ARL15: variants seen among roughly 807,000 people sequenced by gnomAD.
ARL15 encodes the protein ARF like GTPase 15, also known as ADP-ribosylation factor-like protein 15.
A neutral mutation model predicts 25.2 loss-of-function variants in ARL15; 19 were observed. That is an observed-to-expected ratio of 0.75 (90% CI 0.53 to 1.10). The LOEUF is 1.10. ARL15 is among the 50% of genes least tolerant of loss of function. The probability of loss-of-function intolerance (pLI) is 0.00; values close to 1 mark genes in which losing one functional copy is unlikely to be tolerated. For missense variants in ARL15, 220 were observed against 246.0 expected (o/e 0.89, Z 0.71); for synonymous variants, 94 against 86.8 (o/e 1.08, Z -0.46).
At chr5:54,292,609 A>C (rs1389431759) in intron 1 of ARL15, among the ~76,000 whole-genome samples, 1 of 152,190 alleles carries the variant, frequency 6.6e-6, no homozygotes, top group Non-Finnish European at 1.5e-5. Context: ...GATAGTGAAT[A>C]ATGTCTAGTA....
At position 53,945,322 on chromosome 5, in the gene ARL15, G is replaced by A. The variant is rs74579963; in HGVS notation, c.463-58609C>T. Among the ~76,000 whole-genome samples, 30 of 152,288 alleles carry A rather than the reference G, an allele frequency of 2.0e-4. No individual in the cohort carries two copies. The East Asian group carries it at 5.6e-3, about 28-fold the overall frequency. ...GTCGTTTACTGGGTATGTTTACTGA[G>A]TAGTTTAGACGTACATTGACATCAG... On this transcript the variant is annotated intron_variant, in intron 4 of 4. Coordinates refer to ENST00000504924, the MANE Select transcript of ARL15 (RefSeq NM_019087.3).
intron 1 of ARL15, among the ~76,000 whole-genome samples, chr5:54,289,566 C>T (rs1758272210): frequency 6.6e-6 from 1 of 152,196 alleles, no homozygotes. Context: ...ACACTCAATT[C>T]AATAATCCAC....
intron 4 of ARL15, among the ~76,000 whole-genome samples, chr5:54,062,355 C>T (rs1023723048): frequency 3.9e-5 from 6 of 151,976 alleles, no homozygotes; most frequent in African/African-American, 7.2e-5. Flanking sequence ...GAGGGGCCAG[C>T]GGCAGAACGA....
chr5:54,171,501 T>C (rs62370445), intron 2 of ARL15, among the ~76,000 whole-genome samples: 2,751 of 152,302 alleles, frequency 0.018, 38 homozygotes, highest in Non-Finnish European at 0.025. Flanking sequence ...CATTTTGTCA[T>C]ATATCAGAGT....
rs999169066 is a variant in ARL15 at position 54,204,118 on chromosome 5, T to C, written c.49-32190A>G. On this transcript the variant is annotated intron_variant, in intron 1 of 4. Coordinates refer to ENST00000504924, the MANE Select transcript of ARL15 (RefSeq NM_019087.3). The stretch of plus-strand genomic sequence containing the variant: ...TGGTAAAGGACATAGTGTTAAGTTA[T>C]ATACAATTTTCTTTTCGAGAGAGGA... Among the ~76,000 whole-genome samples the C allele has an allele frequency of 2.3e-4, 35 of 152,308 alleles. 1 individual carries two copies. In the South Asian group the frequency reaches 2.5e-3, roughly 11 times the overall value.
At chr5:53,982,756 G>A (rs777659232) in intron 4 of ARL15, among the ~76,000 whole-genome samples, 24 of 152,106 alleles carry the variant, frequency 1.6e-4, no homozygotes, top group African/African-American at 2.9e-4. Flanking sequence ...TTGAGGAATC[G>A]CCACACTGTC....
At chr5:54,098,988 G>A (rs892483600) in intron 4 of ARL15, among the ~76,000 whole-genome samples, 23 of 152,060 alleles carry the variant, frequency 1.5e-4, no homozygotes, top group Admixed American at 1.2e-3. Flanking sequence ...AAAATAATCC[G>A]AGTAACCTCT....
chr5:54,125,586 G>A (rs1040497009), intron 3 of ARL15, among the ~76,000 whole-genome samples: 2 of 152,182 alleles, frequency 1.3e-5, no homozygotes, highest in East Asian at 1.9e-4. Flanking sequence ...CAGCATGTGC[G>A]TTGCTTCCAT....
intron 4 of ARL15, among the ~76,000 whole-genome samples, chr5:54,013,534 A>G (rs255756): frequency 0.19 from 28,320 of 152,116 alleles, 2,988 homozygotes; most frequent in East Asian, 0.45. Flanking sequence ...GATTAGAATT[A>G]TGGGAAGGGC....
intron 4 of ARL15, among the ~76,000 whole-genome samples, chr5:53,915,374 GA>G (rs1288967225): frequency 1.3e-5 from 2 of 152,154 alleles, no homozygotes; most frequent in Non-Finnish European, 2.9e-5. Context: ...GCTACTGGGT[GA>G]AAAAGATAAT....
At chr5:54,227,065 T>C (rs1756544721) in intron 1 of ARL15, among the ~76,000 whole-genome samples, 2 of 152,174 alleles carry the variant, frequency 1.3e-5, no homozygotes, top group Admixed American at 1.3e-4. Flanking sequence ...GAACTGTGAG[T>C]CAATTAAAAC....
At chr5:54,236,966 T>A (rs1170221293) in intron 1 of ARL15, among the ~76,000 whole-genome samples, 2 of 152,204 alleles carry the variant, frequency 1.3e-5, no homozygotes, top group Non-Finnish European at 2.9e-5. Flanking sequence ...CATTGGAACA[T>A]GAGTGAAAAT....
At chr5:54,249,026 G>C (rs1222385416) in intron 1 of ARL15, among the ~76,000 whole-genome samples, 3 of 151,958 alleles carry the variant, frequency 2.0e-5, no homozygotes, top group African/African-American at 7.3e-5. Flanking sequence ...ACTGCAGTGA[G>C]ACCCTGTCTC....
chr5:54,126,036 T>C (rs1241727266), intron 3 of ARL15, among the ~76,000 whole-genome samples: 1 of 152,090 alleles, frequency 6.6e-6, no homozygotes, highest in Non-Finnish European at 1.5e-5. Flanking sequence ...GAGATTTTTT[T>C]TAAAAAAGAA....
intron 4 of ARL15, among the ~76,000 whole-genome samples, chr5:53,999,828 G>T (rs1031882489): frequency 2.6e-5 from 4 of 152,056 alleles, no homozygotes; most frequent in Non-Finnish European, 5.9e-5. Flanking sequence ...CCGGGAGGTG[G>T]AGGTTGCAGT....
Position 54,282,364 on chromosome 5 carries a change from G to A in ARL15, c.48+28068C>T, listed in dbSNP as rs1017859325. 8 of 985,414 alleles carry A rather than the reference G, an allele frequency of 8.1e-6. No homozygotes were observed. In the African/African-American group the frequency reaches 1.0e-4, roughly 13 times the overall value. 61.0% of individuals were successfully genotyped at this position (985,414 alleles called of 1,614,324 possible). ...AAATAAGAATAAGAGAATAAGAAATGTTTGTACCAAAGAACTGTCTTCATT... is the reference window on the plus strand; with the variant it reads ...AAATAAGAATAAGAGAATAAGAAATATTTGTACCAAAGAACTGTCTTCATT... On this transcript the variant is annotated intron_variant, in intron 1 of 4. Transcript: ENST00000504924.
intron 2 of ARL15, among the ~76,000 whole-genome samples, chr5:54,168,147 T>C (rs775823856): frequency 6.6e-6 from 1 of 152,350 alleles, no homozygotes; most frequent in East Asian, 1.9e-4. Context: ...GGCAGTCACA[T>C]AACAGACATT....
chr5:54,310,337 A>T, intron 1 of ARL15, 95 bp downstream of exon 1: 1 of 1,414,918 alleles, frequency 7.1e-7, no homozygotes, highest in East Asian at 2.5e-5. Context: ...ATCCTATCCC[A>T]AAGAAAGAAA....
chr5:54,198,772 T>A (rs2112476453), intron 1 of ARL15, among the ~76,000 whole-genome samples: 1 of 151,326 alleles, frequency 6.6e-6, no homozygotes, highest in South Asian at 2.1e-4. Context: ...CCAAAGACTT[T>A]CTTCACAGAA....
Sources: gnomAD v4.1 joint callset for allele counts (sites outside exome capture counted in the v4.1 genomes callset) on GRCh38, gnomAD v4.1.1 for gene constraint, MANE v1.5 for transcripts, NCBI Gene and HGNC (gene_info 2026-07-23, HGNC 2026-07-21) for gene names.